Variants in PRSS57 observed in about 807,000 individuals in gnomAD.
PRSS57 encodes neutrophil serine protease 4.
Under a neutral mutation model 20.6 loss-of-function variants are expected in PRSS57, and 19 were observed. The observed-to-expected ratio is 0.92, with a 90% CI of 0.64 to 1.35. PRSS57 has a LOEUF of 1.35. PRSS57 is among the 40% of genes most tolerant of loss of function. PRSS57 has a pLI of 0.00. For synonymous variants in PRSS57, 203 were observed against 176.6 expected, an observed-to-expected ratio of 1.15 and a Z score of -1.19; for missense variants, 440 against 403.7, an observed-to-expected ratio of 1.09 and a Z score of -0.77.
At chr19:686,278 C>T (rs570604154) in intron 4 of PRSS57, among the ~76,000 whole-genome samples, 2 of 152,160 alleles carry the variant, frequency 1.3e-5, no homozygotes, top group South Asian at 2.1e-4. Context: ...CGTGTGTTTC[C>T]TCAGATCTTC....
Position 695,380 on chromosome 19 carries a change from G to A in PRSS57, c.51C>T (p.Thr17=), listed in dbSNP as rs771533064. The A allele has an allele frequency of 8.6e-6, 11 of 1,282,612 alleles. No homozygotes were observed. The highest frequency in any genetic ancestry group is 3.6e-5 in the Admixed American group (1 of 28,090). The allele number at this position is 1,282,612 out of a possible 1,614,324, so 79.5% of individuals were successfully genotyped here. The part of the protein sequence containing the change: ...GWGRPLLTVA[T]ALMLPVKPPG... Reference sequence around the variant, plus strand: ...GGGGCTTCACGGGCAGCATCAGGGCGGTGGCCACAGTCAGCAGAGGACGTC... The same window carrying A: ...GGGGCTTCACGGGCAGCATCAGGGCAGTGGCCACAGTCAGCAGAGGACGTC... The change falls in exon 1 of 5, where the codon ACC becomes ACT. Residue 17 remains threonine, a synonymous_variant. Coordinates refer to ENST00000329267, the MANE Select transcript of PRSS57 (RefSeq NM_001308209.2).
chr19:688,601 A>C (rs1249578422), intron 3 of PRSS57, among the ~76,000 whole-genome samples: 13 of 70,980 alleles, frequency 1.8e-4, no homozygotes, highest in African/African-American at 8.0e-4. Flanking sequence ...CCACCCAGGG[A>C]CTTTTTTTTT....
intron 2 of PRSS57, among the ~76,000 whole-genome samples, chr19:693,133 G>A (rs985708807): frequency 1.3e-5 from 2 of 150,568 alleles, no homozygotes; most frequent in Non-Finnish European, 2.9e-5. Flanking sequence ...GGGTTTCACC[G>A]TGTTAGCCAG....
In PRSS57 at chr19:694,982, G is replaced by C. The variant is rs1206314720; in HGVS notation, c.80-15C>G. 3 of 1,517,114 alleles carry C rather than the reference G, an allele frequency of 2.0e-6. No individual in the cohort carries two copies. The highest frequency in any genetic ancestry group is 2.7e-6 in the Non-Finnish European group (3 of 1,132,034). The allele number at this position is 1,517,114 out of a possible 1,614,324, so 94.0% of individuals were successfully genotyped here. A position where few individuals can be genotyped will look rare whatever the true frequency, so the allele number is the denominator to read the frequency against. Reference sequence around the variant, plus strand: ...CCCCCAGGAGCCTGCTGGAGGGACGGCCTGAGTCAGGGACGAGGCGGGAGG... The same window carrying C: ...CCCCCAGGAGCCTGCTGGAGGGACGCCCTGAGTCAGGGACGAGGCGGGAGG... On this transcript the variant is annotated splice_polypyrimidine_tract_variant and intron_variant, in intron 1 of 4. Transcript: ENST00000329267.
At chr19:695,196 T>C (rs531218964) in intron 1 of PRSS57, among the ~76,000 whole-genome samples, 156 bp downstream of exon 1, 1 of 152,000 alleles carries the variant, frequency 6.6e-6, no homozygotes, top group African/African-American at 2.4e-5. Context: ...CCCGGCCGGA[T>C]TTCCATCCAT....
intron 2 of PRSS57, among the ~76,000 whole-genome samples, chr19:692,326 A>G (rs1027398561): frequency 6.6e-6 from 1 of 151,502 alleles, no homozygotes; most frequent in Non-Finnish European, 1.5e-5. Flanking sequence ...CTGAGATTGC[A>G]CCATTGCACT....
Position 693,012 on chromosome 19 carries a change from C to T in PRSS57, c.234-1010G>A, listed in dbSNP as rs536028187. Among the ~76,000 whole-genome samples the T allele has an allele frequency of 5.3e-5, 8 of 151,136 alleles. No individual in the cohort carries two copies. In the East Asian group the frequency reaches 1.4e-3, roughly 26 times the overall value. ...GTGCAATCTTGGCTCTCTGCAAGCTCCACCTCCCGGGTTCACGCCATTCTC... is the reference window on the plus strand; with the variant it reads ...GTGCAATCTTGGCTCTCTGCAAGCTTCACCTCCCGGGTTCACGCCATTCTC... On this transcript the variant is annotated intron_variant, in intron 2 of 4. Transcript: ENST00000329267.
chr19:687,882 AC>A (rs1245739143), intron 3 of PRSS57, among the ~76,000 whole-genome samples: 2 of 151,206 alleles, frequency 1.3e-5, no homozygotes, highest in Non-Finnish European at 3.0e-5. Flanking sequence ...CCTGCCACAC[AC>A]CTCCCCTCAC....
In PRSS57 at chr19:688,618, A is replaced by G. The variant is rs566916540; in HGVS notation, c.379-1430T>C. Among the ~76,000 whole-genome samples the G allele has an allele frequency of 1.9e-4, 9 of 48,482 alleles. 1 individual carries two copies. The South Asian group carries it at 4.8e-3, about 26-fold the overall frequency. The allele number at this position is 48,482 out of a possible 152,430, so 31.8% of individuals were successfully genotyped here. A position where few individuals can be genotyped will look rare whatever the true frequency, so the allele number is the denominator to read the frequency against. ...ACCCAGGGACTTTTTTTTTTTTTTC[A>G]GATGGAGTCTCACTCTGTCACCCAG... On this transcript the variant is annotated intron_variant, in intron 3 of 4. Transcript: ENST00000329267.
chr19:687,173 C>A lies in PRSS57; in HGVS notation c.394G>T (p.Val132Phe). ...AGCAGCCCCACTGCAGGGCCCAGGACAGCAGAGCCGTTCAGCTGCAGGGAG... is the reference window on the plus strand; with the variant it reads ...AGCAGCCCCACTGCAGGGCCCAGGAAAGCAGAGCCGTTCAGCTGCAGGGAG... ...ICLLRLNGSA[V>F]LGPAVGLLRP... The change falls in exon 4 of 5, where the codon GTC (valine) becomes TTC (phenylalanine). Residue 132 changes from valine to phenylalanine, a missense_variant. Transcript: ENST00000329267. 1 of 1,560,258 alleles carries A rather than the reference C, an allele frequency of 6.4e-7. No homozygotes were observed. Among genetic ancestry groups the A allele is most frequent in the Admixed American group, 1.9e-5 (1 of 52,956 alleles).
At chr19:692,427 C>CT (rs200740826) in intron 2 of PRSS57, among the ~76,000 whole-genome samples, 114 of 98,846 alleles carry the variant, frequency 1.2e-3, no homozygotes, top group African/African-American at 2.8e-3. Context: ...TTCCTTTTTT[C>CT]TTTTTTTTTT....
chr19:688,355 G>GT (rs924458565), intron 3 of PRSS57, among the ~76,000 whole-genome samples: 66 of 147,348 alleles, frequency 4.5e-4, no homozygotes, highest in African/African-American at 1.5e-3. Flanking sequence ...TTTTTTTTTT[G>GT]TTTTTTTCAG....
chr19:687,829 T>C lies in PRSS57; in HGVS notation c.379-641A>G, dbSNP rs573919480. Among the ~76,000 whole-genome samples the C allele has an allele frequency of 5.3e-3, 804 of 152,108 alleles. 7 individuals are homozygous for C. The highest frequency in any genetic ancestry group is 6.9e-3 in the Admixed American group (106 of 15,258). On this transcript the variant is annotated intron_variant, in intron 3 of 4. Transcript: ENST00000329267. ...CTCTGAGGGCTCTCCAGCCTCAGCC[T>C]CCCCTTTGGCCAGGCAGGATGAATT...
chr19:695,450 C>T lies in PRSS57; in HGVS notation c.-20G>A. 1 of 1,244,878 alleles carries T rather than the reference C, an allele frequency of 8.0e-7. No homozygotes were observed. The highest frequency in any genetic ancestry group is 1.0e-6 in the Non-Finnish European group (1 of 986,078). The allele number at this position is 1,244,878 out of a possible 1,614,324, so 77.1% of individuals were successfully genotyped here. Reference sequence around the variant, plus strand: ...CCCCATGGCAGACGCAGGCTGGCGTCTCCCCGCAGAGGTCTTCGGGCCGTG... The same window carrying T: ...CCCCATGGCAGACGCAGGCTGGCGTTTCCCCGCAGAGGTCTTCGGGCCGTG... On this transcript the variant is annotated 5_prime_UTR_variant, in exon 1 of 5. Transcript: ENST00000329267.
intron 2 of PRSS57, among the ~76,000 whole-genome samples, chr19:692,750 T>G (rs2031683785): frequency 6.6e-6 from 1 of 151,886 alleles, no homozygotes; most frequent in East Asian, 1.9e-4. Context: ...AATTAATAAT[T>G]ATGTTTATTA....
rs769724230 is a variant in PRSS57, at chr19:694,961, C to A, written c.86G>T (p.Trp29Leu). The stretch of plus-strand genomic sequence containing the variant: ...GTGGCCCCCGATGATCTGGGCCCCC[C>A]AGGAGCCTGCTGGAGGGACGGCCTG... Reference protein sequence around the residue: ...LMLPVKPPGSWGAQIIGGHEV... With the variant: ...LMLPVKPPGSLGAQIIGGHEV... The change falls in exon 2 of 5, where the codon TGG becomes TTG. Residue 29 changes from tryptophan (W) to leucine (L), a missense_variant. Physicochemically the swap from Trp to Leu is moderately conservative, Grantham distance 61. Coordinates refer to ENST00000329267, the MANE Select transcript of PRSS57 (RefSeq NM_001308209.2). The A allele has an allele frequency of 1.5e-5, 23 of 1,545,352 alleles. No individual in the cohort carries two copies. In the South Asian group the frequency reaches 2.8e-4, roughly 19 times the overall value.
intron 3 of PRSS57, among the ~76,000 whole-genome samples, chr19:687,694 C>G (rs377222140): frequency 6.6e-6 from 1 of 152,148 alleles, no homozygotes; most frequent in African/African-American, 2.4e-5. Context: ...AGTGAGCCGC[C>G]GCGCCCAGCC....
intron 3 of PRSS57, among the ~76,000 whole-genome samples, chr19:690,039 T>G (rs11085170): frequency 6.7e-6 from 1 of 148,242 alleles, no homozygotes; most frequent in Non-Finnish European, 1.5e-5. Flanking sequence ...GGTGCCAAAG[T>G]GAGACTCCGT....
rs377737528 is a variant in PRSS57 at position 694,832 on chromosome 19, G to A, written c.215C>T (p.Ala72Val). ...AGCTCACCTGTGGCTGAAGCAGTGG[G>A]CGGCCGAGACCACCCAGCGGGCTCG... ...LLRARWVVSAAHCFSHRDLRT... is the reference protein window; with the variant it reads ...LLRARWVVSAVHCFSHRDLRT... The change falls in exon 2 of 5, where the codon GCC becomes GTC. Residue 72 changes from alanine to valine, a missense_variant. Transcript: ENST00000329267. 1.2e-5 allele frequency: 19 copies of A among 1,607,646 alleles called. 1 individual carries two copies. Among genetic ancestry groups the A allele is most frequent in the African/African-American group, 6.7e-5 (5 of 74,832 alleles).
Sources: allele counts gnomAD v4.1 joint callset (sites outside exome capture counted in the v4.1 genomes callset), GRCh38; gene constraint gnomAD v4.1.1; transcripts MANE v1.5; gene names NCBI Gene and HGNC (gene_info 2026-07-23, HGNC 2026-07-21).